The following NRXN3 variants were observed in gnomAD, a reference collection of about 807,000 sequenced individuals.
The protein encoded by NRXN3 is neurexin 3.
In NRXN3, 32 loss-of-function variants were observed where a neutral mutation model predicts 137.6. The ratio of observed to expected loss-of-function variants is 0.23; its 90% confidence interval spans 0.18 to 0.31. The LOEUF (loss-of-function observed/expected upper bound fraction) is 0.31. Among genes scored for constraint, NRXN3 ranks in the 10% least tolerant of loss-of-function variants. NRXN3 has a pLI of 1.00. For missense variants in NRXN3, 1,574 were observed against 2,062.5 expected (o/e 0.76, Z 4.59); for synonymous variants, 798 against 784.5 (o/e 1.02, Z -0.29).
chr14:78,269,786 A>G (rs1017373921), intron 2 of NRXN3, among the ~76,000 whole-genome samples: 12 of 152,102 alleles, frequency 7.9e-5, no homozygotes, highest in African/African-American at 2.9e-4. Context: ...ACTCACCTCC[A>G]CTGAAACCCT....
intron 15 of NRXN3, among the ~76,000 whole-genome samples, chr14:79,449,398 T>C (rs1224954080): frequency 6.6e-6 from 1 of 152,168 alleles, no homozygotes; most frequent in Non-Finnish European, 1.5e-5. Context: ...TTCAGTTTGC[T>C]TATTTTCCTT....
At chr14:79,564,536 G>C (rs921986939) in intron 16 of NRXN3, among the ~76,000 whole-genome samples, 1 of 151,996 alleles carries the variant, frequency 6.6e-6, no homozygotes, top group African/African-American at 2.4e-5. Flanking sequence ...TCATTGTCCC[G>C]CACACTTTAT....
At chr14:78,860,806 AAG>A (rs2152525194) in intron 10 of NRXN3, among the ~76,000 whole-genome samples, 1 of 152,182 alleles carries the variant, frequency 6.6e-6, no homozygotes, top group East Asian at 1.9e-4. Context: ...GAGGAGGAGG[AAG>A]AGAGAAGTTA....
intron 6 of NRXN3, among the ~76,000 whole-genome samples, chr14:78,687,767 G>A (rs964779776): frequency 3.3e-5 from 5 of 152,172 alleles, no homozygotes; most frequent in African/African-American, 1.2e-4. Flanking sequence ...GAGTGATTAA[G>A]CATTTGGCCT....
intron 6 of NRXN3, among the ~76,000 whole-genome samples, chr14:78,656,973 G>A (rs2097789447): frequency 6.6e-6 from 1 of 150,506 alleles, no homozygotes; most frequent in African/African-American, 2.4e-5. Flanking sequence ...TGTGAACCCG[G>A]GAGGGGCAGC....
intron 15 of NRXN3, among the ~76,000 whole-genome samples, chr14:79,451,299 G>C (rs1371246841): frequency 6.6e-6 from 1 of 152,114 alleles, no homozygotes. Flanking sequence ...GGTCTGTAGT[G>C]GCATCGCTGA....
chr14:78,977,091 G>A (rs913687354), intron 14 of NRXN3, among the ~76,000 whole-genome samples: 8 of 152,116 alleles, frequency 5.3e-5, no homozygotes, highest in African/African-American at 1.7e-4. Context: ...GGGACACTGA[G>A]GTTTAGAGTT....
At chr14:79,566,654 T>C (rs1204720534) in intron 16 of NRXN3, among the ~76,000 whole-genome samples, 2 of 152,096 alleles carry the variant, frequency 1.3e-5, no homozygotes, top group East Asian at 3.9e-4. Flanking sequence ...TGTAATCCAA[T>C]TTGAACACTG....
At chr14:78,629,621 C>T (rs543891169) in intron 4 of NRXN3, among the ~76,000 whole-genome samples, 16 of 152,218 alleles carry the variant, frequency 1.1e-4, no homozygotes, top group Admixed American at 1.3e-4. Context: ...TTCCATACAA[C>T]GTAATTAGCT....
chr14:78,372,178 T>A (rs1382138296), intron 4 of NRXN3, among the ~76,000 whole-genome samples: 6 of 122,976 alleles, frequency 4.9e-5, no homozygotes, highest in African/African-American at 1.2e-4. Context: ...AAAAAAAATT[T>A]TTACCAGAAC....
intron 19 of NRXN3, among the ~76,000 whole-genome samples, chr14:79,729,996 T>A (rs2098915874): frequency 1.3e-5 from 2 of 152,120 alleles, no homozygotes; most frequent in South Asian, 4.2e-4. Context: ...AGCACTTCTG[T>A]TGTAGACAGA....
intron 15 of NRXN3, among the ~76,000 whole-genome samples, chr14:79,243,790 G>A (rs1246086216): frequency 6.6e-6 from 1 of 152,054 alleles, no homozygotes; most frequent in Non-Finnish European, 1.5e-5. Flanking sequence ...ACATGGTATT[G>A]TAATCCTATG....
At chr14:78,539,397 T>C (rs191819672) in intron 4 of NRXN3, among the ~76,000 whole-genome samples, 267 of 152,354 alleles carry the variant, frequency 1.8e-3, no homozygotes, top group Non-Finnish European at 2.9e-3. Context: ...CTAGTTCATT[T>C]GCATAGAGGT....
intron 15 of NRXN3, among the ~76,000 whole-genome samples, chr14:79,083,326 A>G (rs2047427403): frequency 6.6e-6 from 1 of 152,240 alleles, no homozygotes; most frequent in Non-Finnish European, 1.5e-5. Flanking sequence ...GATGGGAACC[A>G]CACGAGGGAA....
chr14:79,719,497 C>T (rs979874349), intron 19 of NRXN3, among the ~76,000 whole-genome samples: 2 of 151,358 alleles, frequency 1.3e-5, no homozygotes, highest in Non-Finnish European at 2.9e-5. Flanking sequence ...CTTCTATTAG[C>T]ACTTACTGTC....
At chr14:78,775,328 C>T (rs1439602502) in intron 8 of NRXN3, among the ~76,000 whole-genome samples, 1 of 152,144 alleles carries the variant, frequency 6.6e-6, no homozygotes, top group Non-Finnish European at 1.5e-5. Context: ...ATCCCATACT[C>T]AGAAAAAAAT....
intron 2 of NRXN3, chr14:78,250,041 T>C (rs906119292): frequency 7.7e-5 from 39 of 507,812 alleles, no homozygotes; most frequent in African/African-American, 5.4e-4. Flanking sequence ...ATGCACTAGC[T>C]CTTGAAACCC....
chr14:79,280,604 G>A, intron 15 of NRXN3: 4 of 1,445,140 alleles, frequency 2.8e-6, no homozygotes, highest in African/African-American at 1.4e-5. Flanking sequence ...TAGCCTTGCA[G>A]GTAGTGTCAA....
Position 79,282,221 on chromosome 14 carries a change from G to A in NRXN3, c.3263-185000G>A, listed in dbSNP as rs191674316. ...AAGGGGGAGAGGGACTGGGGGGAGC[G>A]GGTAAGACAGGAAAAAAAGAGGGAG... On this transcript the variant is annotated intron_variant, in intron 15 of 20. Transcript: ENST00000335750. Among the ~76,000 whole-genome samples, 16 of 152,066 alleles carry A rather than the reference G, an allele frequency of 1.1e-4. No homozygotes were observed. In the East Asian group the frequency reaches 3.1e-3, roughly 29 times the overall value.
Sources: gnomAD v4.1 joint callset for allele counts (sites outside exome capture counted in the v4.1 genomes callset) on GRCh38, gnomAD v4.1.1 for gene constraint, MANE v1.5 for transcripts, NCBI Gene and HGNC (gene_info 2026-07-23, HGNC 2026-07-21) for gene names.